Variants in GLT1D1 observed in about 807,000 individuals in gnomAD.
GLT1D1 encodes glycosyltransferase 1 domain containing 1.
Under a neutral mutation model 28.7 loss-of-function variants are expected in GLT1D1, and 21 were observed. The observed-to-expected ratio is 0.73, with a 90% CI of 0.52 to 1.05. The LOEUF (loss-of-function observed/expected upper bound fraction) is 1.05, where lower values mean the gene tolerates loss of function less well. Among genes scored for constraint, GLT1D1 ranks in the 50% least tolerant of loss-of-function variants. GLT1D1 has a pLI of 0.00. For synonymous variants in GLT1D1, 147 were observed against 124.8 expected (o/e 1.18, Z -1.19); for missense variants, 343 against 330.6 (o/e 1.04, Z -0.29).
At chr12:128,874,542 G>T (rs1206179990) in intron 1 of GLT1D1, among the ~76,000 whole-genome samples, 2 of 148,332 alleles carry the variant, frequency 1.3e-5, no homozygotes, top group African/African-American at 5.0e-5. Context: ...GAGTACAGTG[G>T]CACAGTCGTA....
intron 4 of GLT1D1, among the ~76,000 whole-genome samples, chr12:128,915,804 T>G (rs1872051894): frequency 6.6e-6 from 1 of 152,242 alleles, no homozygotes; most frequent in Admixed American, 6.5e-5. Flanking sequence ...CTTACTACTC[T>G]AACCTGCCTT....
At chr12:128,931,345 C>A (rs1248474461) in intron 4 of GLT1D1, among the ~76,000 whole-genome samples, 2 of 149,082 alleles carry the variant, frequency 1.3e-5, no homozygotes, top group Non-Finnish European at 3.0e-5. Flanking sequence ...TCTCACTCTG[C>A]CACCCAGGCT....
At chr12:128,959,861 C>G (rs1877756410) in intron 7 of GLT1D1, among the ~76,000 whole-genome samples, 1 of 151,952 alleles carries the variant, frequency 6.6e-6, no homozygotes, top group South Asian at 2.1e-4. Context: ...AAGGCAACGT[C>G]TATTTACTTT....
intron 7 of GLT1D1, among the ~76,000 whole-genome samples, chr12:128,962,645 A>G (rs1878083351): frequency 6.6e-6 from 1 of 152,172 alleles, no homozygotes; most frequent in African/African-American, 2.4e-5. Flanking sequence ...CTGAAAGTCG[A>G]TTCTTATGTG....
chr12:128,872,307 C>T (rs569000576), intron 1 of GLT1D1, among the ~76,000 whole-genome samples: 1 of 152,168 alleles, frequency 6.6e-6, no homozygotes, highest in African/African-American at 2.4e-5. Context: ...AATCAGTGCC[C>T]CAAGTAAGAT....
At chr12:128,966,293 C>G (rs1357575043) in intron 7 of GLT1D1, among the ~76,000 whole-genome samples, 1 of 152,220 alleles carries the variant, frequency 6.6e-6, no homozygotes, top group East Asian at 1.9e-4. Context: ...TGGCTGGCTG[C>G]ACTTGGAAGA....
At chr12:128,913,012 A>AT (rs1871704751) in intron 4 of GLT1D1, among the ~76,000 whole-genome samples, 1 of 152,190 alleles carries the variant, frequency 6.6e-6, no homozygotes, top group African/African-American at 2.4e-5. Flanking sequence ...ATCACTTAAC[A>AT]TTTTCTGCCA....
At chr12:128,962,025 C>T (rs1355737085) in intron 7 of GLT1D1, among the ~76,000 whole-genome samples, 4 of 152,040 alleles carry the variant, frequency 2.6e-5, no homozygotes, top group Non-Finnish European at 4.4e-5. Flanking sequence ...GCCCCTGTCC[C>T]CCTCCACCCT....
intron 1 of GLT1D1, among the ~76,000 whole-genome samples, chr12:128,874,063 T>C (rs868541306): frequency 0.047 from 1,403 of 29,886 alleles, 99 homozygotes; most frequent in African/African-American, 0.072. Context: ...CTCCCTCCTT[T>C]CTTTCTTTCT....
chr12:128,898,279 C>A (rs1184884713), intron 3 of GLT1D1, among the ~76,000 whole-genome samples: 5 of 151,998 alleles, frequency 3.3e-5, no homozygotes, highest in Admixed American at 1.3e-4. Flanking sequence ...CTCAAGCGAT[C>A]CTCCTGCCTC....
chr12:128,962,912 G>A (rs1878109898), intron 7 of GLT1D1, among the ~76,000 whole-genome samples: 1 of 152,212 alleles, frequency 6.6e-6, no homozygotes, highest in East Asian at 1.9e-4. Flanking sequence ...ATATTGGCCA[G>A]GCTGGTCTGG....
chr12:128,981,602 A>G (rs1157452070), intron 7 of GLT1D1, among the ~76,000 whole-genome samples: 2 of 152,238 alleles, frequency 1.3e-5, no homozygotes, highest in Non-Finnish European at 2.9e-5. Context: ...AAGGCACTCA[A>G]CATTTAATTA....
intron 6 of GLT1D1, among the ~76,000 whole-genome samples, chr12:128,951,163 G>A (rs1187301635): frequency 2.0e-5 from 3 of 152,160 alleles, no homozygotes; most frequent in African/African-American, 7.2e-5. Context: ...AGCACTTTGG[G>A]AGGCTGAGGT....
intron 4 of GLT1D1, 81 bp from the exon 5 acceptor site, chr12:128,912,343 G>T: frequency 1.2e-6 from 1 of 850,846 alleles, no homozygotes; most frequent in South Asian, 1.7e-5. Flanking sequence ...TTTTGTTAAT[G>T]ACCTTCATTT....
rs113076272 is a variant in GLT1D1, at chr12:128,902,846, C to A, written c.375+3559C>A. On this transcript the variant is annotated intron_variant, in intron 4 of 7. Coordinates refer to ENST00000281703, the MANE Select transcript of GLT1D1 (RefSeq NM_144669.3). The stretch of plus-strand genomic sequence containing the variant: ...TCACCTGAGGTCAAGAGTTCAAGAC[C>A]AGCCTGGCCAACATGACGAAACCCT... Among the ~76,000 whole-genome samples, 188 of 151,478 alleles carry A rather than the reference C, an allele frequency of 1.2e-3. 3 individuals carry two copies. The highest frequency in any genetic ancestry group is 4.3e-3 in the African/African-American group (178 of 40,960).
intron 4 of GLT1D1, chr12:128,930,516 C>A (rs370007695): frequency 5.9e-5 from 9 of 152,122 alleles, no homozygotes; most frequent in African/African-American, 1.9e-4. Flanking sequence ...CAAGTGCATG[C>A]GACTAGCCAA....
chr12:128,965,892 C>CAAAAATAGAGA (rs1878411966), intron 7 of GLT1D1, among the ~76,000 whole-genome samples: 2 of 151,482 alleles, frequency 1.3e-5, no homozygotes, highest in Non-Finnish European at 2.9e-5. Flanking sequence ...GACCCTGTCT[C>CAAAAATAGAGA]AAAAATAAAG....
intron 4 of GLT1D1, among the ~76,000 whole-genome samples, chr12:128,915,554 G>A (rs937939970): frequency 1.3e-5 from 2 of 151,870 alleles, no homozygotes; most frequent in Non-Finnish European, 2.9e-5. Flanking sequence ...TAATGGAGAC[G>A]GGGTTTTGCC....
chr12:128,929,716 C>T (rs1873664107), intron 4 of GLT1D1, among the ~76,000 whole-genome samples: 1 of 152,184 alleles, frequency 6.6e-6, no homozygotes, highest in Non-Finnish European at 1.5e-5. Context: ...AATCCCAGCA[C>T]TTTGGAATGC....
Sources: gnomAD v4.1 joint callset for allele counts (sites outside exome capture counted in the v4.1 genomes callset) on GRCh38, gnomAD v4.1.1 for gene constraint, MANE v1.5 for transcripts, NCBI Gene and HGNC (gene_info 2026-07-23, HGNC 2026-07-21) for gene names.